BCL2L11: variants seen among roughly 807,000 people sequenced by gnomAD.
BCL2L11 encodes the protein BCL2 like 11.
BCL2L11 carries 15 observed loss-of-function variants against 20.6 expected under a neutral mutation model. That is an observed-to-expected ratio of 0.73 (90% CI 0.49 to 1.12). BCL2L11 has a LOEUF of 1.12. Among genes scored for constraint, BCL2L11 ranks in the 50% most tolerant of loss-of-function variants. BCL2L11 has a pLI of 0.00. For synonymous variants in BCL2L11, 108 were observed against 92.8 expected (o/e 1.16, Z -0.94); for missense variants, 292 against 260.9 (o/e 1.12, Z -0.82).
intron 1 of BCL2L11, among the ~76,000 whole-genome samples, chr2:111,122,317 C>T (rs1174086942): frequency 1.3e-5 from 2 of 152,212 alleles, no homozygotes; most frequent in East Asian, 1.9e-4. Flanking sequence ...ACTGGCTGTC[C>T]AGGACGGCGG....
chr2:111,161,277 C>A, intron 3 of BCL2L11: 2 of 1,051,944 alleles, frequency 1.9e-6, no homozygotes, highest in South Asian at 1.4e-5. Context: ...CCAGAAGTTT[C>A]AGGAGGGAGT....
intron 2 of BCL2L11, among the ~76,000 whole-genome samples, chr2:111,137,478 C>A (rs1191337193): frequency 6.6e-6 from 1 of 152,222 alleles, no homozygotes; most frequent in Non-Finnish European, 1.5e-5. Flanking sequence ...GCTGGGGCAT[C>A]TGACCTCAGA....
chr2:111,128,487 A>G (rs2073152747), intron 2 of BCL2L11: 31 of 1,195,802 alleles, frequency 2.6e-5, no homozygotes, highest in Non-Finnish European at 3.0e-5. Flanking sequence ...ATCATATGGT[A>G]ATTCTATTTT....
intron 2 of BCL2L11, among the ~76,000 whole-genome samples, chr2:111,136,290 A>G (rs1174845239): frequency 6.6e-6 from 1 of 152,190 alleles, no homozygotes; most frequent in Non-Finnish European, 1.5e-5. Context: ...GGAAAACGGC[A>G]TACTCCCTGT....
At chr2:111,159,316 A>G (rs902359001) in intron 3 of BCL2L11, among the ~76,000 whole-genome samples, 1 of 152,188 alleles carries the variant, frequency 6.6e-6, no homozygotes, top group East Asian at 1.9e-4. Context: ...CTCTGTAGTC[A>G]CTGGCTGCAA....
chr2:111,131,089 A>G (rs1468182157), intron 2 of BCL2L11, among the ~76,000 whole-genome samples: 1 of 152,060 alleles, frequency 6.6e-6, no homozygotes, highest in East Asian at 1.9e-4. Flanking sequence ...TTATATCAGA[A>G]CCTTAATTAG....
At chr2:111,132,172 G>A (rs777190118) in intron 2 of BCL2L11, 1 of 152,104 alleles carries the variant, frequency 6.6e-6, no homozygotes, top group Non-Finnish European at 1.5e-5. Flanking sequence ...AAAATAAATC[G>A]GGCACAGTGG....
At chr2:111,126,232 A>G (rs2072574597) in intron 2 of BCL2L11, among the ~76,000 whole-genome samples, 2 of 152,138 alleles carry the variant, frequency 1.3e-5, no homozygotes, top group African/African-American at 4.8e-5. Flanking sequence ...TTTTTTGTTG[A>G]TAAATACTAT....
chr2:111,151,747 G>A (rs2077282885), intron 3 of BCL2L11: 16 of 1,201,888 alleles, frequency 1.3e-5, no homozygotes, highest in African/African-American at 3.0e-5. Context: ...GGAGAGTGCT[G>A]TAGTAATGAT....
chr2:111,130,944 C>T (rs1398392655), intron 2 of BCL2L11, among the ~76,000 whole-genome samples: 1 of 152,100 alleles, frequency 6.6e-6, no homozygotes, highest in Non-Finnish European at 1.5e-5. Context: ...TCTTGGATGT[C>T]TGAGACAAAT....
At chr2:111,137,041 G>A (rs981317552) in intron 2 of BCL2L11, among the ~76,000 whole-genome samples, 4 of 152,100 alleles carry the variant, frequency 2.6e-5, no homozygotes, top group African/African-American at 7.2e-5. Context: ...TGCTGCTTTC[G>A]AACATCACTC....
intron 3 of BCL2L11, among the ~76,000 whole-genome samples, chr2:111,159,806 A>C (rs10199467): frequency 1.3e-5 from 2 of 152,192 alleles, no homozygotes; most frequent in Admixed American, 1.3e-4. Flanking sequence ...TTCCTGTGGT[A>C]CAGCTCCTCC....
intron 2 of BCL2L11, chr2:111,144,406 C>T (rs907743085): frequency 5.0e-5 from 72 of 1,430,642 alleles, no homozygotes; most frequent in East Asian, 2.5e-5. Context: ...TTCTGAGAAC[C>T]GTCAGAGTTG....
chr2:111,161,976 C>T (rs1326466360), intron 3 of BCL2L11, among the ~76,000 whole-genome samples: 1 of 152,170 alleles, frequency 6.6e-6, no homozygotes, highest in Admixed American at 6.6e-5. Context: ...GCGTCTTTGC[C>T]CCACTGCAGC....
chr2:111,140,372 A>G (rs780897089), intron 2 of BCL2L11, among the ~76,000 whole-genome samples: 1 of 152,192 alleles, frequency 6.6e-6, no homozygotes, highest in Non-Finnish European at 1.5e-5. Flanking sequence ...CCCAAAATAT[A>G]TTGTATTCCT....
At chr2:111,134,998 T>G (rs1394874155) in intron 2 of BCL2L11, among the ~76,000 whole-genome samples, 2 of 152,226 alleles carry the variant, frequency 1.3e-5, no homozygotes, top group East Asian at 3.8e-4. Context: ...GGGTTTATCC[T>G]TTTTGGGGTG....
At chr2:111,147,390 A>ACACACACCCC (rs1039299406) in intron 2 of BCL2L11, among the ~76,000 whole-genome samples, 1 of 138,360 alleles carries the variant, frequency 7.2e-6, no homozygotes, top group South Asian at 2.4e-4. Flanking sequence ...ACACACACAC[A>ACACACACCCC]CCCGCCATTT....
At chr2:111,122,990 G>T in intron 1 of BCL2L11, 1 of 985,178 alleles carries the variant, frequency 1.0e-6, no homozygotes. Flanking sequence ...GGCGCGCACC[G>T]GTGTCGCCTA....
chr2:111,156,544 A>G (rs2077876461), intron 3 of BCL2L11, among the ~76,000 whole-genome samples: 1 of 152,186 alleles, frequency 6.6e-6, no homozygotes, highest in Non-Finnish European at 1.5e-5. Context: ...CAATGGCCAG[A>G]GGTGATGAGC....
Sources: allele counts gnomAD v4.1 joint callset (sites outside exome capture counted in the v4.1 genomes callset), GRCh38; gene constraint gnomAD v4.1.1; transcripts MANE v1.5; gene names NCBI Gene and HGNC (gene_info 2026-07-23, HGNC 2026-07-21).